The following KANK4 variants were observed in gnomAD, a reference collection of about 807,000 sequenced individuals.
KANK4 encodes the protein KN motif and ankyrin repeat domain-containing protein 4.
A neutral mutation model predicts 80.8 loss-of-function variants in KANK4; 50 were observed. The ratio of observed to expected loss-of-function variants is 0.62; its 90% CI spans 0.49 to 0.78. The LOEUF (loss-of-function observed/expected upper bound fraction) is 0.78. KANK4 is among the 30% of genes least tolerant of loss of function. The pLI, the probability that KANK4 is intolerant of heterozygous loss-of-function variation, is 0.00. For synonymous variants in KANK4, 465 were observed against 506.9 expected (o/e 0.92, Z 1.11); for missense variants, 1,196 against 1,240.1 (o/e 0.96, Z 0.53).
Position 62,281,537 on chromosome 1 carries a change from C to A in KANK4, c.16+12G>T. The A allele has an allele frequency of 6.2e-7, 1 of 1,614,204 alleles. No homozygotes were observed. Among genetic ancestry groups the A allele is most frequent in the Non-Finnish European group, 8.5e-7 (1 of 1,180,032 alleles). On this transcript the variant is annotated intron_variant, in intron 2 of 9. Coordinates refer to ENST00000371153, the MANE Select transcript of KANK4 (RefSeq NM_181712.5). ...TTATCTTAAACCAGGCCCTACAAAG[C>A]AGCTTGCCTACCATCTGTCTTCTCC...
chr1:62,273,806 T>C lies in KANK4; in HGVS notation c.1298A>G (p.Glu433Gly), dbSNP rs560035095. The C allele has an allele frequency of 9.9e-6, 16 of 1,614,126 alleles. No individual in the cohort carries two copies. The African/African-American group carries it at 1.6e-4, about 16-fold the overall frequency. ...LTRESCDKGIEVNLLGSMESE... is the reference protein window; with the variant it reads ...LTRESCDKGIGVNLLGSMESE... ...CTCCATGCTGCCTAGAAGGTTGACT[T>C]CAATGCCCTTATCACACGACTCCCT... The change falls in exon 3 of 10, where the codon GAA (glutamate) becomes GGA (glycine). Residue 433 changes from glutamate to glycine, a missense_variant. This residue lies in a region of KANK4 where 1,154 missense variants were observed against 1,179.6 expected (regional missense o/e 0.98). Coordinates refer to ENST00000371153, the MANE Select transcript of KANK4 (RefSeq NM_181712.5).
chr1:62,273,480 G>C lies in KANK4; in HGVS notation c.1624C>G (p.Leu542Val), dbSNP rs1293309619. 2.5e-6 allele frequency: 4 copies of C among 1,614,088 alleles called. No individual in the cohort carries two copies. In the South Asian group the frequency reaches 4.4e-5, roughly 18 times the overall value. The change falls in exon 3 of 10, where the codon CTC becomes GTC. Residue 542 changes from leucine to valine, a missense_variant. Around this residue, in one of 3 missense-constraint regions of KANK4, gnomAD observed 1,154 missense variants for 1,179.6 expected, o/e 0.98. Coordinates refer to ENST00000371153, the MANE Select transcript of KANK4 (RefSeq NM_181712.5). ...PAGREETSSNLPGKEHPGRPP... is the reference protein window; with the variant it reads ...PAGREETSSNVPGKEHPGRPP... ...CTTCCCGGGTGCTCCTTCCCTGGGAGATTGGAACTGGTCTCCTCCCTCCCT... is the reference window on the plus strand; with the variant it reads ...CTTCCCGGGTGCTCCTTCCCTGGGACATTGGAACTGGTCTCCTCCCTCCCT...
chr1:62,305,512 T>C (rs951367558), intron 1 of KANK4, among the ~76,000 whole-genome samples: 2 of 152,114 alleles, frequency 1.3e-5, no homozygotes, highest in African/African-American at 2.4e-5. Flanking sequence ...GGTTTTGCCA[T>C]GTTGGCCAGG....
Position 62,274,025 on chromosome 1 carries a change from G to A in KANK4, c.1079C>T (p.Thr360Ile). 8.7e-6 allele frequency: 14 copies of A among 1,614,134 alleles called. No individual in the cohort carries two copies. Among genetic ancestry groups the A allele is most frequent in the Non-Finnish European group, 1.1e-5 (13 of 1,180,032 alleles). ...SALEGELSGR[T>I]EELAQVRTAL... is the part of the protein sequence containing the mutation. The stretch of plus-strand genomic sequence containing the variant: ...AGTTCTGACCTGTGCCAGTTCCTCG[G>A]TTCTTCCAGACAACTCTCCCTCCAG... The change falls in exon 3 of 10, where the codon ACC becomes ATC. Residue 360 changes from threonine (T) to isoleucine (I), a missense_variant. Physicochemically the swap from Thr to Ile is moderately conservative, Grantham distance 89. This residue lies in a region of KANK4 where 1,154 missense variants were observed against 1,179.6 expected (regional missense o/e 0.98). Coordinates refer to ENST00000371153, the MANE Select transcript of KANK4 (RefSeq NM_181712.5).
At chr1:62,252,328 CA>C (rs1200696473) in intron 8 of KANK4, among the ~76,000 whole-genome samples, 6 of 152,230 alleles carry the variant, frequency 3.9e-5, no homozygotes, top group African/African-American at 1.4e-4. Context: ...CAGCCTGGCC[CA>C]TAGCACTGCT....
In KANK4 at chr1:62,304,953, T is replaced by C. The variant is rs11809218; in HGVS notation, c.-71+14153A>G. 7.6e-3 allele frequency among the ~76,000 whole-genome samples: 1,164 copies of C among 152,168 alleles called. 6 individuals are homozygous for C. Among genetic ancestry groups the C allele is most frequent in the African/African-American group, 0.027 (1,104 of 41,534 alleles). On this transcript the variant is annotated intron_variant, in intron 1 of 9. Coordinates refer to ENST00000371153, the MANE Select transcript of KANK4 (RefSeq NM_181712.5). The stretch of plus-strand genomic sequence containing the variant: ...CTTGCCAGAGGGTTCAATGAGATAA[T>C]GGGAGTACAAGTGCTTTGCTAAAGA...
rs1294889650 is a variant in KANK4 at position 62,273,739 on chromosome 1, T to G, written c.1365A>C (p.Leu455=). The change falls in exon 3 of 10, where the codon CTA becomes CTC. Residue 455 remains leucine, a synonymous_variant. Coordinates refer to ENST00000371153, the MANE Select transcript of KANK4 (RefSeq NM_181712.5). ...CTTGTTTATGACCATCTGGCCCCCA[T>G]AGGAGGCCATTCTCCTCTCCTCGGT... ...WGHRGEENGL[L]WGPDGHKQGN... 6.2e-7 allele frequency: 1 copy of G among 1,614,052 alleles called. No homozygotes were observed. The highest frequency in any genetic ancestry group is 1.1e-5 in the South Asian group (1 of 91,072).
intron 6 of KANK4, among the ~76,000 whole-genome samples, chr1:62,263,746 A>G (rs1671951941): frequency 1.3e-5 from 2 of 152,254 alleles, no homozygotes; most frequent in South Asian, 4.1e-4. Context: ...GCATAGCTGG[A>G]AAATCGCAAC....
chr1:62,311,885 C>T (rs1032039379), intron 1 of KANK4, among the ~76,000 whole-genome samples: 4 of 152,158 alleles, frequency 2.6e-5, no homozygotes, highest in Non-Finnish European at 5.9e-5. Flanking sequence ...ATTTACTACT[C>T]CTTAAGAATG....
At chr1:62,262,304 A>G (rs1393432649) in intron 7 of KANK4, among the ~76,000 whole-genome samples, 1 of 152,176 alleles carries the variant, frequency 6.6e-6, no homozygotes, top group Non-Finnish European at 1.5e-5. Flanking sequence ...ACATGAGAAC[A>G]ATACCCACAT....
At chr1:62,311,203 C>A (rs1644494909) in intron 1 of KANK4, among the ~76,000 whole-genome samples, 1 of 152,112 alleles carries the variant, frequency 6.6e-6, no homozygotes, top group African/African-American at 2.4e-5. Flanking sequence ...TAGAATCAGG[C>A]AGATGCAGGC....
intron 4 of KANK4, 23 bp from the exon 5 acceptor site, chr1:62,268,528 C>T: frequency 6.3e-7 from 1 of 1,597,492 alleles, no homozygotes; most frequent in Non-Finnish European, 8.6e-7. Flanking sequence ...ACAAAGGTCA[C>T]TCGTCCTGTC....
At chr1:62,294,671 T>A (rs1644346382) in intron 1 of KANK4, among the ~76,000 whole-genome samples, 1 of 152,218 alleles carries the variant, frequency 6.6e-6, no homozygotes, top group Non-Finnish European at 1.5e-5. Context: ...TGTTTCCAGA[T>A]TTTTCAGGCG....
chr1:62,279,755 G>A (rs142922421), intron 2 of KANK4, among the ~76,000 whole-genome samples: 2 of 152,292 alleles, frequency 1.3e-5, no homozygotes, highest in South Asian at 4.1e-4. Flanking sequence ...AGGATTCACT[G>A]AGCATGTGCT....
intron 8 of KANK4, 122 bp from the exon 9 acceptor site, chr1:62,247,794 C>A: frequency 1.3e-6 from 1 of 799,654 alleles, no homozygotes; most frequent in Non-Finnish European, 2.1e-6. Flanking sequence ...AATCTCCTGC[C>A]CTTGATATGG....
At chr1:62,249,880 T>A (rs1570965790) in intron 8 of KANK4, among the ~76,000 whole-genome samples, 1 of 151,626 alleles carries the variant, frequency 6.6e-6, no homozygotes, top group South Asian at 2.1e-4. Context: ...AGTGATGGGG[T>A]TTTGCGATGT....
intron 1 of KANK4, among the ~76,000 whole-genome samples, chr1:62,303,498 G>T (rs927640089): frequency 6.6e-6 from 1 of 151,866 alleles, no homozygotes; most frequent in Non-Finnish European, 1.5e-5. Flanking sequence ...TAATTACAAA[G>T]GTGCCCAAAA....
At chr1:62,262,011 T>C (rs1671897002) in intron 7 of KANK4, among the ~76,000 whole-genome samples, 1 of 152,240 alleles carries the variant, frequency 6.6e-6, no homozygotes, top group Non-Finnish European at 1.5e-5. Flanking sequence ...AGGGCTCACC[T>C]AGCTCACCTT....
intron 2 of KANK4, 44 bp downstream of exon 2, chr1:62,281,505 C>T (rs757971114): frequency 1.2e-6 from 2 of 1,613,424 alleles, no homozygotes; most frequent in South Asian, 2.2e-5. Flanking sequence ...TTTCCCAGCC[C>T]AAGTGCTTAT....
Sources: gnomAD v4.1 joint callset for allele counts (sites outside exome capture counted in the v4.1 genomes callset) on GRCh38, gnomAD v4.1.1 for gene constraint, gnomAD v4.1.1 regional missense constraint, MANE v1.5 for transcripts, NCBI Gene and HGNC (gene_info 2026-07-23, HGNC 2026-07-21) for gene names.